KLF12: variants seen among roughly 807,000 people sequenced by gnomAD.
KLF12 encodes Krueppel-like factor 12.
A neutral mutation model predicts 37.8 loss-of-function variants in KLF12; 9 were observed. The observed-to-expected ratio is 0.24, with a 90% CI of 0.14 to 0.42. The LOEUF (loss-of-function observed/expected upper bound fraction) is 0.42, where lower values mean the gene tolerates loss of function less well. Among genes scored for constraint, KLF12 ranks in the 10% least tolerant of loss-of-function variants. The pLI is 1.00. For synonymous variants in KLF12, 208 were observed against 202.1 expected (o/e 1.03, Z -0.25); for missense variants, 411 against 516.0 (o/e 0.80, Z 1.97).
chr13:73,796,429 A>G (rs1408246), intron 5 of KLF12, among the ~76,000 whole-genome samples: 61,308 of 151,390 alleles, frequency 0.4, 13,387 homozygotes, highest in African/African-American at 0.56. Flanking sequence ...AACCTCAGAA[A>G]GATGGAACCC....
At chr13:73,850,616 G>A (rs1885284783) in intron 3 of KLF12, among the ~76,000 whole-genome samples, 1 of 152,188 alleles carries the variant, frequency 6.6e-6, no homozygotes, top group South Asian at 2.1e-4. Context: ...TCAGAGCTGA[G>A]GAGCAATGCA....
intron 6 of KLF12, among the ~76,000 whole-genome samples, chr13:73,754,045 T>C (rs1218111340): frequency 6.6e-6 from 1 of 152,160 alleles, no homozygotes; most frequent in Non-Finnish European, 1.5e-5. Flanking sequence ...ACATATTCTC[T>C]TCATATTTTC....
the KLF12 span, chr13:74,260,065 T>C: frequency 6.6e-6 from 1 of 152,322 alleles, no homozygotes; most frequent in African/African-American, 2.4e-5. Context: ...TTGTGTCCCC[T>C]CTGGAGTGCT....
chr13:74,153,470 A>C, the KLF12 span, among the ~76,000 whole-genome samples: 1 of 152,156 alleles, frequency 6.6e-6, no homozygotes, highest in Non-Finnish European at 1.5e-5. Context: ...AACATGTGCT[A>C]TATCTATGCT....
At chr13:73,837,128 TTCC>T (rs1256480169) in intron 4 of KLF12, among the ~76,000 whole-genome samples, 1 of 152,206 alleles carries the variant, frequency 6.6e-6, no homozygotes, top group Non-Finnish European at 1.5e-5. Flanking sequence ...CCTTCTCCTC[TTCC>T]TCCTCTTTTC....
At chr13:73,716,414 GTAC>G (rs1208132701) in intron 6 of KLF12, among the ~76,000 whole-genome samples, 1 of 152,136 alleles carries the variant, frequency 6.6e-6, no homozygotes. Context: ...TCTACAAAAT[GTAC>G]TACAGTTAAT....
the KLF12 span, among the ~76,000 whole-genome samples, chr13:74,149,004 G>C: frequency 6.6e-6 from 1 of 152,126 alleles, no homozygotes; most frequent in South Asian, 2.1e-4. Flanking sequence ...TAGTAGAGAC[G>C]GGATTTCAGT....
chr13:73,793,661 T>G (rs1172220979), intron 5 of KLF12, among the ~76,000 whole-genome samples: 1 of 151,932 alleles, frequency 6.6e-6, no homozygotes, highest in Non-Finnish European at 1.5e-5. Context: ...ATTGTGCCTC[T>G]TATAAATCCT....
the KLF12 span, among the ~76,000 whole-genome samples, chr13:74,245,565 T>A: frequency 6.6e-5 from 10 of 152,204 alleles, no homozygotes; most frequent in Non-Finnish European, 1.2e-4. Flanking sequence ...TTTTCTCATT[T>A]GATAGATTAA....
intron 4 of KLF12, among the ~76,000 whole-genome samples, chr13:73,842,842 G>A (rs1282144830): frequency 2.2e-5 from 3 of 134,700 alleles, no homozygotes; most frequent in Admixed American, 7.2e-5. Flanking sequence ...CTGCATATAT[G>A]CTAAACAAAG....
intron 3 of KLF12, among the ~76,000 whole-genome samples, chr13:73,870,347 T>C (rs1484126747): frequency 6.6e-6 from 1 of 152,198 alleles, no homozygotes; most frequent in Non-Finnish European, 1.5e-5. Flanking sequence ...ACTTATATGA[T>C]TTGGGCAATG....
rs1441746625 is a variant in KLF12 at position 73,689,630 on chromosome 13, G to T, written c.*5860C>A. ...AACTGCAAAGATGGTTAAAGGCTAG[G>T]CTTACTAAGTGTCAGTGGTACTTCA... On this transcript the variant is annotated 3_prime_UTR_variant, in exon 8 of 8. Coordinates refer to ENST00000377669, the MANE Select transcript of KLF12 (RefSeq NM_007249.5). 4.6e-5 allele frequency: 7 copies of T among 152,142 alleles called. No homozygotes were observed. The highest frequency in any genetic ancestry group is 7.2e-5 in the African/African-American group (3 of 41,436). The allele number at this position is 152,142 out of a possible 1,614,324, so 9.4% of individuals were successfully genotyped here.
intron 1 of KLF12, among the ~76,000 whole-genome samples, chr13:74,113,992 T>C (rs1404726344): frequency 6.6e-6 from 1 of 152,188 alleles, no homozygotes; most frequent in Non-Finnish European, 1.5e-5. Context: ...GTGGAATAAG[T>C]AACTGAAGAT....
chr13:74,269,496 A>G, the KLF12 span, among the ~76,000 whole-genome samples: 19 of 152,324 alleles, frequency 1.2e-4, no homozygotes, highest in South Asian at 3.9e-3. Context: ...GAGCCAAGAC[A>G]TGTATTTAGA....
In KLF12 at chr13:73,755,744, C is replaced by CA. The variant is rs2138009285; in HGVS notation, c.869+9193dup. On this transcript the variant is annotated intron_variant, in intron 6 of 7. Coordinates refer to ENST00000377669, the MANE Select transcript of KLF12 (RefSeq NM_007249.5). ...ACCTGAGCAGTGTACACTGTACCCT[C>CA]ACCACCCCCCCAACCCTTTCCCCCA... Among the ~76,000 whole-genome samples, 3 of 151,984 alleles carry CA rather than the reference C, an allele frequency of 2.0e-5. No homozygotes were observed. In the South Asian group the frequency reaches 6.3e-4, roughly 32 times the overall value.
chr13:73,710,742 C>G (rs998070876), intron 7 of KLF12, among the ~76,000 whole-genome samples: 1 of 152,134 alleles, frequency 6.6e-6, no homozygotes, highest in African/African-American at 2.4e-5. Context: ...TTCCTTGAGA[C>G]ACAACAATAT....
At chr13:74,029,572 T>C (rs537419730) in intron 1 of KLF12, among the ~76,000 whole-genome samples, 18 of 152,070 alleles carry the variant, frequency 1.2e-4, no homozygotes, top group Non-Finnish European at 2.4e-4. Flanking sequence ...TCACCAGTGA[T>C]TTCTAAGGTA....
At chr13:74,049,367 T>TA (rs1893626296) in intron 1 of KLF12, among the ~76,000 whole-genome samples, 1 of 152,162 alleles carries the variant, frequency 6.6e-6, no homozygotes, top group Admixed American at 6.5e-5. Context: ...GACTCAAGCC[T>TA]AAAGACAGTT....
chr13:73,962,440 A>C (rs1269773429), intron 2 of KLF12, among the ~76,000 whole-genome samples: 1 of 152,220 alleles, frequency 6.6e-6, no homozygotes, highest in Admixed American at 6.5e-5. Flanking sequence ...AAACCCACAG[A>C]ATGTACACAA....
Sources: gnomAD v4.1 joint callset for allele counts (sites outside exome capture counted in the v4.1 genomes callset) on GRCh38, gnomAD v4.1.1 for gene constraint, MANE v1.5 for transcripts, NCBI Gene and HGNC (gene_info 2026-07-23, HGNC 2026-07-21) for gene names.